MAML2: variants seen among roughly 807,000 people sequenced by gnomAD.
The protein encoded by MAML2 is mastermind like transcriptional coactivator 2.
MAML2 carries 22 observed loss-of-function variants against 96.1 expected under a neutral mutation model. The ratio of observed to expected loss-of-function variants is 0.23; its 90% CI spans 0.16 to 0.33. MAML2 has a LOEUF of 0.33. MAML2 is among the 10% of genes least tolerant of loss of function. The pLI, the probability that MAML2 is intolerant of heterozygous loss-of-function variation, is 1.00. For synonymous variants in MAML2, 561 were observed against 521.3 expected (o/e 1.08, Z -1.04); for missense variants, 1,367 against 1,392.4 (o/e 0.98, Z 0.29).
chr11:96,245,704 A>AGT lies in MAML2; in HGVS notation c.513+95678_513+95679insAC, dbSNP rs1565261056. On this transcript the variant is annotated intron_variant, in intron 1 of 4. Coordinates refer to ENST00000524717, the MANE Select transcript of MAML2 (RefSeq NM_032427.4). Reference sequence around the variant, plus strand: ...GTTCACCTGAATCACACCCATACCTAATTTTTTTTTTTTTTTTTTAGACAG... The same window carrying AGT: ...GTTCACCTGAATCACACCCATACCTAGTATTTTTTTTTTTTTTTTTTAGACAG... Among the ~76,000 whole-genome samples, 37 of 102,728 alleles carry AGT rather than the reference A, an allele frequency of 3.6e-4. No individual in the cohort carries two copies. The Admixed American group carries it at 4.4e-3, about 12-fold the overall frequency. The allele number at this position is 102,728 out of a possible 152,430, so 67.4% of individuals were successfully genotyped here.
At chr11:96,146,859 G>C (rs1343763819) in intron 1 of MAML2, among the ~76,000 whole-genome samples, 1 of 152,230 alleles carries the variant, frequency 6.6e-6, no homozygotes, top group Non-Finnish European at 1.5e-5. Context: ...AAAGTGAAAA[G>C]AGGCAGTTGA....
At chr11:96,243,854 C>T (rs969869454) in intron 1 of MAML2, among the ~76,000 whole-genome samples, 2 of 152,092 alleles carry the variant, frequency 1.3e-5, no homozygotes, top group African/African-American at 2.4e-5. Context: ...AGGGTTTCAC[C>T]GTGTTAGTCA....
intron 2 of MAML2, among the ~76,000 whole-genome samples, chr11:96,048,781 A>G (rs538554993): frequency 6.6e-6 from 1 of 152,112 alleles, no homozygotes; most frequent in South Asian, 2.1e-4. Context: ...ACATTTCTAT[A>G]TTTTTTCCAT....
intron 2 of MAML2, among the ~76,000 whole-genome samples, chr11:96,059,242 T>C (rs1193124580): frequency 6.6e-6 from 1 of 152,216 alleles, no homozygotes; most frequent in Non-Finnish European, 1.5e-5. Context: ...TGCAAAACTA[T>C]GACTTAAATG....
chr11:96,073,037 A>C (rs1253905538), intron 2 of MAML2, among the ~76,000 whole-genome samples: 1 of 152,246 alleles, frequency 6.6e-6, no homozygotes, highest in East Asian at 1.9e-4. Context: ...ACTTAAAAAA[A>C]CTATTATGGA....
intron 1 of MAML2, among the ~76,000 whole-genome samples, chr11:96,233,938 C>G (rs1190591588): frequency 6.6e-6 from 1 of 152,132 alleles, no homozygotes; most frequent in Non-Finnish European, 1.5e-5. Flanking sequence ...AGGTGGGCCT[C>G]CAAAATTAGA....
intron 2 of MAML2, among the ~76,000 whole-genome samples, chr11:95,999,405 G>A (rs1345041313): frequency 4.6e-5 from 7 of 152,016 alleles, no homozygotes; most frequent in African/African-American, 1.7e-4. Flanking sequence ...TTCAGCAAAA[G>A]GTAGAATGGG....
intron 1 of MAML2, among the ~76,000 whole-genome samples, chr11:96,098,016 A>G (rs1055717252): frequency 1.3e-5 from 2 of 152,204 alleles, no homozygotes; most frequent in Admixed American, 6.5e-5. Flanking sequence ...TTCGGCCTCT[A>G]CCTTGCCAAA....
At chr11:95,991,916 C>G (rs1354126316) in intron 2 of MAML2, among the ~76,000 whole-genome samples, 193 bp from the exon 3 acceptor site, 2 of 152,100 alleles carry the variant, frequency 1.3e-5, no homozygotes, top group African/African-American at 4.8e-5. Context: ...ACCAAAGCAG[C>G]TGGGTTAATG....
At chr11:96,325,533 C>T (rs1375900703) in intron 1 of MAML2, among the ~76,000 whole-genome samples, 1 of 152,130 alleles carries the variant, frequency 6.6e-6, no homozygotes, top group East Asian at 1.9e-4. Context: ...TCTGTGAGGA[C>T]TCTGTAGGTC....
At chr11:96,022,414 G>C (rs1858450389) in intron 2 of MAML2, among the ~76,000 whole-genome samples, 1 of 152,146 alleles carries the variant, frequency 6.6e-6, no homozygotes, top group Non-Finnish European at 1.5e-5. Context: ...TGGGATCTTG[G>C]GGATTAAGGT....
intron 1 of MAML2, among the ~76,000 whole-genome samples, chr11:96,232,643 T>G (rs1862311444): frequency 6.6e-6 from 1 of 152,104 alleles, no homozygotes; most frequent in Non-Finnish European, 1.5e-5. Context: ...CTAATTTTGT[T>G]TGTATTTTTA....
At chr11:96,299,626 T>C (rs1278347233) in intron 1 of MAML2, among the ~76,000 whole-genome samples, 1 of 152,136 alleles carries the variant, frequency 6.6e-6, no homozygotes, top group African/African-American at 2.4e-5. Context: ...CCCATGAATG[T>C]TGGTGGATGA....
At position 96,295,681 on chromosome 11, in the gene MAML2, AACACACAC is replaced by A. The variant is rs71745057; in HGVS notation, c.513+45694_513+45701del. ...CAAATTACTACTGCTCTGCTGCTGT[AACACACAC>A]ACACACACACACACACACACACTTG... is the stretch of plus-strand genomic sequence containing the variant. On this transcript the variant is annotated intron_variant, in intron 1 of 4. Coordinates refer to ENST00000524717, the MANE Select transcript of MAML2 (RefSeq NM_032427.4). Among the ~76,000 whole-genome samples the A allele has an allele frequency of 7.5e-5, 11 of 147,216 alleles. No homozygotes were observed. The East Asian group carries it at 8.0e-4, about 11-fold the overall frequency.
intron 1 of MAML2, among the ~76,000 whole-genome samples, chr11:96,316,213 T>C (rs1346390877): frequency 6.6e-6 from 1 of 152,184 alleles, no homozygotes; most frequent in Non-Finnish European, 1.5e-5. Context: ...TAAGTCAGGG[T>C]ACTTGCTTGC....
At chr11:96,287,288 T>C (rs1863153931) in intron 1 of MAML2, among the ~76,000 whole-genome samples, 1 of 152,230 alleles carries the variant, frequency 6.6e-6, no homozygotes, top group East Asian at 1.9e-4. Flanking sequence ...GTCAGAAATA[T>C]ATATGTCCCA....
chr11:96,303,988 T>C (rs762188085), intron 1 of MAML2, among the ~76,000 whole-genome samples: 1 of 152,200 alleles, frequency 6.6e-6, no homozygotes, highest in Non-Finnish European at 1.5e-5. Context: ...AGCAAGGAAG[T>C]GGGTGCCAGG....
At chr11:96,214,076 T>G (rs1203285955) in intron 1 of MAML2, among the ~76,000 whole-genome samples, 1 of 152,230 alleles carries the variant, frequency 6.6e-6, no homozygotes, top group Admixed American at 6.5e-5. Flanking sequence ...TGTATGTATA[T>G]ATACACAAAT....
intron 1 of MAML2, among the ~76,000 whole-genome samples, chr11:96,137,588 G>T (rs1056132083): frequency 5.9e-5 from 9 of 152,186 alleles, no homozygotes; most frequent in Non-Finnish European, 1.3e-4. Flanking sequence ...TTGCCTTTCA[G>T]ATGGAAAAAG....
Sources: gnomAD v4.1 joint callset for allele counts (sites outside exome capture counted in the v4.1 genomes callset) on GRCh38, gnomAD v4.1.1 for gene constraint, MANE v1.5 for transcripts, NCBI Gene and HGNC (gene_info 2026-07-23, HGNC 2026-07-21) for gene names.